CLCN6: variants seen among roughly 807,000 people sequenced by gnomAD.
CLCN6 encodes H(+)/Cl(-) exchange transporter 6.
Under a neutral mutation model 109.8 loss-of-function variants are expected in CLCN6, and 70 were observed. The ratio of observed to expected loss-of-function variants is 0.64; its 90% CI spans 0.53 to 0.78. The LOEUF (loss-of-function observed/expected upper bound fraction) is 0.78. CLCN6 is among the 30% of genes least tolerant of loss of function. The pLI, the probability that CLCN6 is intolerant of heterozygous loss-of-function variation, is 0.00. For missense variants in CLCN6, 984 were observed against 1,142.3 expected, an observed-to-expected ratio of 0.86 and a Z score of 2.00; for synonymous variants, 444 against 447.8, an observed-to-expected ratio of 0.99 and a Z score of 0.11.
rs780832572 is a variant in CLCN6 at position 11,833,924 on chromosome 1, T to C, written c.1420T>C (p.Leu474=). 5 of 1,613,824 alleles carry C rather than the reference T, an allele frequency of 3.1e-6. No homozygotes were observed. The African/African-American group carries it at 5.3e-5, about 17-fold the overall frequency. ...TLALFFVLYF[L]LACWTYGISV... is the part of the protein sequence containing the mutation. Reference sequence around the variant, plus strand: ...GGCCTTGTTCTTCGTTCTCTATTTCTTGCTTGCATGTTGGACTTACGGCAT... The same window carrying C: ...GGCCTTGTTCTTCGTTCTCTATTTCCTGCTTGCATGTTGGACTTACGGCAT... Residue 474 remains leucine (L), a synonymous_variant, in exon 15 of 23, where the codon TTG becomes CTG. Transcript: ENST00000346436.
chr1:11,840,363 A>G lies in CLCN6; in HGVS notation c.*140A>G, dbSNP rs1425165682. On this transcript the variant is annotated 3_prime_UTR_variant, in exon 23 of 23. Coordinates refer to ENST00000346436, the MANE Select transcript of CLCN6 (RefSeq NM_001286.5). ...CTCAGAAAGCCGGGAGTCATCGGACACCTTGCTGGTCAGAGGTCCTGGGGG... is the reference window on the plus strand; with the variant it reads ...CTCAGAAAGCCGGGAGTCATCGGACGCCTTGCTGGTCAGAGGTCCTGGGGG... The G allele has an allele frequency of 7.8e-6, 6 of 767,318 alleles. No individual in the cohort carries two copies. In the Admixed American group the frequency reaches 8.0e-5, roughly 10 times the overall value. 47.5% of individuals were successfully genotyped at this position (767,318 alleles called of 1,614,324 possible).
intron 21 of CLCN6, 41 bp from the exon 22 acceptor site, chr1:11,838,494 T>A: frequency 6.2e-7 from 1 of 1,607,096 alleles, no homozygotes; most frequent in Non-Finnish European, 8.5e-7. Context: ...CTTCATGCCG[T>A]TGGCGTCTCA....
chr1:11,839,514 G>A (rs886603257), intron 22 of CLCN6, among the ~76,000 whole-genome samples: 9 of 152,144 alleles, frequency 5.9e-5, no homozygotes, highest in African/African-American at 2.2e-4. Flanking sequence ...CACCTGCCTC[G>A]GCCTCCCAAA....
Position 11,841,528 on chromosome 1 carries a change from A to G in CLCN6, c.*1305A>G, listed in dbSNP as rs1034685343. 1 of 152,184 alleles carries G rather than the reference A, an allele frequency of 6.6e-6. No individual in the cohort carries two copies. The highest frequency in any genetic ancestry group is 2.4e-5 in the African/African-American group (1 of 41,430). 9.4% of individuals were successfully genotyped at this position (152,184 alleles called of 1,614,324 possible). ...ATGCTTATCTTCCCCCACCTTCTAC[A>G]TGGTATTAGTCCCAGCAGGCATCCC... On this transcript the variant is annotated 3_prime_UTR_variant, in exon 23 of 23. Coordinates refer to ENST00000346436, the MANE Select transcript of CLCN6 (RefSeq NM_001286.5).
At chr1:11,828,694 C>G in intron 12 of CLCN6, 70 bp downstream of exon 12, 1 of 1,481,766 alleles carries the variant, frequency 6.7e-7, no homozygotes, top group Non-Finnish European at 9.1e-7. Context: ...CGCGCCATCT[C>G]TCCCGAGGAG....
At position 11,840,410 on chromosome 1, in the gene CLCN6, T is replaced by G; in HGVS notation, c.*187T>G. The G allele has an allele frequency of 1.6e-6, 1 of 620,394 alleles. No homozygotes were observed. Among genetic ancestry groups the G allele is most frequent in the Non-Finnish European group, 2.9e-6 (1 of 344,810 alleles). 38.4% of individuals were successfully genotyped at this position (620,394 alleles called of 1,614,324 possible). On this transcript the variant is annotated 3_prime_UTR_variant, in exon 23 of 23. Coordinates refer to ENST00000346436, the MANE Select transcript of CLCN6 (RefSeq NM_001286.5). ...GGGGTGGTTTTGAACCATCAGAGCT[T>G]GGACTTTTCTGACTTCCCCAGCAAG...
Position 11,837,346 on chromosome 1 carries a change from C to A in CLCN6, c.2142C>A (p.Tyr714Ter), listed in dbSNP as rs1296368387. The change falls in exon 20 of 23, where the codon TAC becomes TAA. Residue 714 changes from tyrosine (Y) to a stop codon, truncating the protein, a stop_gained. Transcript: ENST00000346436. LOFTEE classifies it high-confidence loss of function. ...DLLQQMLERR[Y>*]TPYPNLYPDQ... ...GCATCTGGTTTTTGTGTAACAGATA[C>A]ACTCCCTACCCCAACCTATACCCTG... 4 of 1,608,522 alleles carry A rather than the reference C, an allele frequency of 2.5e-6. No individual in the cohort carries two copies. Among genetic ancestry groups the A allele is most frequent in the Admixed American group, 1.7e-5 (1 of 59,858 alleles).
At chr1:11,816,513 C>T in intron 3 of CLCN6, 102 bp from the exon 4 acceptor site, 1 of 1,022,524 alleles carries the variant, frequency 9.8e-7, no homozygotes. Context: ...TGTGCCTGCT[C>T]TCCACGTGGA....
rs752644886 is a variant in CLCN6 at position 11,840,196 on chromosome 1, G to A, written c.2583G>A (p.Arg861=). The A allele has an allele frequency of 1.2e-6, 2 of 1,613,414 alleles. No individual in the cohort carries two copies. The highest frequency in any genetic ancestry group is 1.7e-5 in the Admixed American group (1 of 60,034). The change falls in exon 23 of 23, where the codon CGG becomes CGA. Residue 861 remains arginine, a synonymous_variant. Transcript: ENST00000346436. ...TCACCTATGAATTTCTGCAGGCCCG[G>A]CTGAGGCAGCACTACCAGACCATCT... ...HNLTYEFLQA[R]LRQHYQTI is the part of the protein sequence containing the mutation.
intron 22 of CLCN6, chr1:11,839,072 T>G (rs1452771385): frequency 1.7e-6 from 1 of 594,506 alleles, no homozygotes; most frequent in Non-Finnish European, 3.0e-6. Context: ...TTTCCTTTTT[T>G]CTTCTTTTTA....
intron 5 of CLCN6, chr1:11,820,338 T>C (rs1209977882): frequency 2.8e-6 from 2 of 713,746 alleles, no homozygotes; most frequent in East Asian, 2.7e-5. Flanking sequence ...AATAGTTATA[T>C]TCCTATTTCA....
chr1:11,806,680 C>G (rs781367019), intron 1 of CLCN6: 6 of 376,282 alleles, frequency 1.6e-5, no homozygotes, highest in Non-Finnish European at 2.9e-5. Flanking sequence ...GCTTATCATG[C>G]TGCTGTTTTA....
At position 11,826,194 on chromosome 1, in the gene CLCN6, C is replaced by G; in HGVS notation, c.687C>G (p.Phe229Leu). ...CCTTACGGAAGATCCAGTTTAACTT[C>G]CCCTATTTCCGAAGCGACAGGTATG... ...SISLRKIQFN[F>L]PYFRSDRDKR... Residue 229 changes from phenylalanine (F) to leucine (L), a missense_variant, in exon 9 of 23, where the codon TTC becomes TTG. Coordinates refer to ENST00000346436, the MANE Select transcript of CLCN6 (RefSeq NM_001286.5). 1 of 1,613,930 alleles carries G rather than the reference C, an allele frequency of 6.2e-7. No homozygotes were observed. Among genetic ancestry groups the G allele is most frequent in the Non-Finnish European group, 8.5e-7 (1 of 1,179,852 alleles).
chr1:11,809,429 T>TA (rs1644567863), intron 2 of CLCN6, among the ~76,000 whole-genome samples: 1 of 152,194 alleles, frequency 6.6e-6, no homozygotes, highest in African/African-American at 2.4e-5. Context: ...CTTCAGCTGA[T>TA]ATGCATATTC....
chr1:11,815,526 G>A (rs1315182264), intron 2 of CLCN6, among the ~76,000 whole-genome samples: 1 of 152,194 alleles, frequency 6.6e-6, no homozygotes, highest in Non-Finnish European at 1.5e-5. Flanking sequence ...CTCCAAAGTA[G>A]CTGGGACTAC....
chr1:11,840,061 C>CT, intron 22 of CLCN6, 82 bp from the exon 23 acceptor site: 2 of 1,158,316 alleles, frequency 1.7e-6, no homozygotes, highest in Non-Finnish European at 1.3e-6. Context: ...CTGTGACAAA[C>CT]TAACAGGGCC....
At chr1:11,806,445 AG>A in intron 1 of CLCN6, 96 bp downstream of exon 1, 5 of 1,181,476 alleles carry the variant, frequency 4.2e-6, no homozygotes, top group Non-Finnish European at 5.6e-6. Flanking sequence ...CTGGGCCCGC[AG>A]GTGGCAGCGG....
At position 11,821,479 on chromosome 1, in the gene CLCN6, C is replaced by T. The variant is rs137953236; in HGVS notation, c.347-1216C>T. On this transcript the variant is annotated intron_variant, in intron 5 of 22. Coordinates refer to ENST00000346436, the MANE Select transcript of CLCN6 (RefSeq NM_001286.5). ...GCAGAGGCAGGAGAATCACTTGAAC[C>T]CAGGAGGCGGAGGTTGCAGTGAGCC... Among the ~76,000 whole-genome samples, 241 of 152,264 alleles carry T rather than the reference C, an allele frequency of 1.6e-3. 1 individual carries two copies. Among genetic ancestry groups the T allele is most frequent in the African/African-American group, 5.0e-3 (206 of 41,538 alleles).
chr1:11,830,858 G>A (rs1312635880), intron 13 of CLCN6, among the ~76,000 whole-genome samples: 2 of 149,834 alleles, frequency 1.3e-5, no homozygotes, highest in Non-Finnish European at 3.0e-5. Flanking sequence ...TTTTAAGACG[G>A]AGTCTTACTC....
Sources: allele counts gnomAD v4.1 joint callset (sites outside exome capture counted in the v4.1 genomes callset), GRCh38; gene constraint gnomAD v4.1.1; transcripts MANE v1.5; gene names NCBI Gene and HGNC (gene_info 2026-07-23, HGNC 2026-07-21).